The following ERBB4 variants were observed in gnomAD, a reference collection of about 807,000 sequenced individuals.
ERBB4 encodes the protein receptor tyrosine-protein kinase erbB-4.
Under a neutral mutation model 158.0 loss-of-function variants are expected in ERBB4, and 42 were observed. That is an observed-to-expected ratio of 0.27 (90% CI 0.21 to 0.34). The LOEUF (loss-of-function observed/expected upper bound fraction) is 0.34, where lower values mean the gene tolerates loss of function less well. Among genes scored for constraint, ERBB4 ranks in the 10% least tolerant of loss-of-function variants. The probability of loss-of-function intolerance (pLI) is 1.00; values close to 1 mark genes in which losing one functional copy is unlikely to be tolerated. For synonymous variants in ERBB4, 583 were observed against 558.7 expected (o/e 1.04, Z -0.61); for missense variants, 1,333 against 1,624.1 (o/e 0.82, Z 3.08).
chr2:212,212,363 G>A (rs2082963427), intron 1 of ERBB4, among the ~76,000 whole-genome samples: 1 of 152,044 alleles, frequency 6.6e-6, no homozygotes, highest in African/African-American at 2.4e-5. Context: ...CAGGGCATGT[G>A]AAGGACCTCT....
At chr2:211,396,250 G>T (rs1434476930) in intron 25 of ERBB4, among the ~76,000 whole-genome samples, 1 of 151,858 alleles carries the variant, frequency 6.6e-6, no homozygotes. Flanking sequence ...GATAACAAAG[G>T]TTATGTAACC....
At chr2:211,459,905 C>A (rs1011558589) in intron 20 of ERBB4, among the ~76,000 whole-genome samples, 1 of 152,152 alleles carries the variant, frequency 6.6e-6, no homozygotes, top group African/African-American at 2.4e-5. Context: ...ACACATCGTG[C>A]ACTCTTGGTA....
chr2:212,039,103 T>C (rs1321997039), intron 2 of ERBB4, among the ~76,000 whole-genome samples: 1 of 152,136 alleles, frequency 6.6e-6, no homozygotes, highest in African/African-American at 2.4e-5. Flanking sequence ...TGAATGTGTA[T>C]TAGTACTTTA....
At chr2:211,988,590 T>C (rs2081994918) in intron 2 of ERBB4, among the ~76,000 whole-genome samples, 1 of 152,094 alleles carries the variant, frequency 6.6e-6, no homozygotes, top group Non-Finnish European at 1.5e-5. Context: ...TTCAAGTTTC[T>C]AAATTATTCT....
chr2:211,719,244 T>G (rs1457829485), intron 7 of ERBB4, among the ~76,000 whole-genome samples: 2 of 152,222 alleles, frequency 1.3e-5, no homozygotes, highest in Non-Finnish European at 2.9e-5. Flanking sequence ...GAGCGACTTC[T>G]GCAATTTCAC....
intron 25 of ERBB4, among the ~76,000 whole-genome samples, chr2:211,412,185 G>GA (rs1168138039): frequency 2.6e-5 from 4 of 151,488 alleles, no homozygotes; most frequent in Admixed American, 6.6e-5. Flanking sequence ...AACATTGACA[G>GA]AAAAAAAAGA....
intron 3 of ERBB4, among the ~76,000 whole-genome samples, chr2:211,832,162 A>C (rs1331648227): frequency 1.3e-5 from 2 of 152,178 alleles, no homozygotes; most frequent in African/African-American, 4.8e-5. Context: ...CACAGCATTC[A>C]AATTAGTTTT....
At position 212,188,263 on chromosome 2, in the gene ERBB4, CCTCTTCT is replaced by C. The variant is rs1559692269; in HGVS notation, c.83-63367_83-63361del. Among the ~76,000 whole-genome samples the C allele has an allele frequency of 9.4e-4, 22 of 23,352 alleles. 2 individuals are homozygous for C. Among genetic ancestry groups the C allele is most frequent in the South Asian group, 2.9e-3 (2 of 682 alleles). The allele number at this position is 23,352 out of a possible 152,430, so 15.3% of individuals were successfully genotyped here. A position where few individuals can be genotyped will look rare whatever the true frequency, so the allele number is the denominator to read the frequency against. On this transcript the variant is annotated intron_variant, in intron 1 of 27. Transcript: ENST00000342788. ...CCCCCTCTCACCCCCTCCCTCCCTC[CCTCTTCT>C]CTCCCTCCCTCTTCTCTCCCTCCCT... is the stretch of plus-strand genomic sequence containing the variant.
intron 4 of ERBB4, among the ~76,000 whole-genome samples, chr2:211,764,876 C>A (rs573362197): frequency 6.6e-6 from 1 of 152,210 alleles, no homozygotes; most frequent in Non-Finnish European, 1.5e-5. Context: ...GGACAGGAAT[C>A]CATTAGGCAA....
At chr2:211,410,224 G>A (rs958001797) in intron 25 of ERBB4, among the ~76,000 whole-genome samples, 2 of 152,282 alleles carry the variant, frequency 1.3e-5, no homozygotes, top group East Asian at 3.9e-4. Flanking sequence ...TAATGTATTT[G>A]TTTTAAATGT....
At chr2:212,538,047 C>T in intron 1 of ERBB4, among the ~76,000 whole-genome samples, 1 of 152,088 alleles carries the variant, frequency 6.6e-6, no homozygotes, top group East Asian at 1.9e-4. Context: ...CAGCACCGCC[C>T]CAGGACCGCG....
At chr2:211,547,294 G>A (rs2066967756) in intron 20 of ERBB4, among the ~76,000 whole-genome samples, 1 of 152,042 alleles carries the variant, frequency 6.6e-6, no homozygotes. Flanking sequence ...AATTGGTTGT[G>A]ATCAATTGTG....
intron 1 of ERBB4, among the ~76,000 whole-genome samples, chr2:212,243,059 C>T (rs1045268059): frequency 1.3e-5 from 2 of 152,140 alleles, no homozygotes; most frequent in Non-Finnish European, 2.9e-5. Context: ...CAGCTTTATT[C>T]CTAGAGAGCT....
At chr2:212,422,858 T>C (rs2091827293) in intron 1 of ERBB4, among the ~76,000 whole-genome samples, 1 of 152,166 alleles carries the variant, frequency 6.6e-6, no homozygotes, top group Non-Finnish European at 1.5e-5. Flanking sequence ...AATATAAATA[T>C]GTGATATAAA....
intron 19 of ERBB4, among the ~76,000 whole-genome samples, chr2:211,618,870 ACAAGAAAATT>A (rs1022650367): frequency 6.6e-6 from 1 of 152,046 alleles, no homozygotes; most frequent in Non-Finnish European, 1.5e-5. Flanking sequence ...GTTATATTTA[ACAAGAAAATT>A]TAAGAACATT....
chr2:212,525,370 A>G (rs1560554353), intron 1 of ERBB4, among the ~76,000 whole-genome samples: 1 of 151,988 alleles, frequency 6.6e-6, no homozygotes, highest in African/African-American at 2.4e-5. Flanking sequence ...AAGCTATCTG[A>G]AAAAAATTAA....
chr2:211,550,540 T>C (rs1377213825), intron 20 of ERBB4, among the ~76,000 whole-genome samples: 2 of 147,642 alleles, frequency 1.4e-5, no homozygotes, highest in African/African-American at 2.5e-5. Flanking sequence ...TTGGGACTCA[T>C]CAGCCTCCAT....
intron 2 of ERBB4, among the ~76,000 whole-genome samples, chr2:212,081,327 T>A (rs2078436257): frequency 6.6e-6 from 1 of 152,106 alleles, no homozygotes; most frequent in African/African-American, 2.4e-5. Flanking sequence ...TGTTCTAGAA[T>A]CTTCTGCAAT....
intron 1 of ERBB4, among the ~76,000 whole-genome samples, chr2:212,307,646 T>A (rs1006725325): frequency 6.6e-6 from 1 of 151,186 alleles, no homozygotes; most frequent in Non-Finnish European, 1.5e-5. Flanking sequence ...ACATTTAGTA[T>A]GTTTCTAGGA....
Sources: gnomAD v4.1 joint callset for allele counts (sites outside exome capture counted in the v4.1 genomes callset) on GRCh38, gnomAD v4.1.1 for gene constraint, MANE v1.5 for transcripts, NCBI Gene and HGNC (gene_info 2026-07-23, HGNC 2026-07-21) for gene names.